EMILIN2: variants seen among roughly 807,000 people sequenced by gnomAD.
The protein encoded by EMILIN2 is EMILIN-2.
EMILIN2 carries 71 observed loss-of-function variants against 87.1 expected under a neutral mutation model. That is an observed-to-expected ratio of 0.82 (90% CI 0.67 to 0.99). The LOEUF is 0.99. Ranked by LOEUF, EMILIN2 falls within the 50% of genes least tolerant of loss-of-function variation. EMILIN2 has a pLI of 0.00. For synonymous variants in EMILIN2, 581 were observed against 563.4 expected, an observed-to-expected ratio of 1.03 and a Z score of -0.44; for missense variants, 1,407 against 1,371.8, an observed-to-expected ratio of 1.03 and a Z score of -0.40.
In EMILIN2 at chr18:2,896,914, A is replaced by G. The variant is rs540841165; in HGVS notation, c.2359+4428A>G. Among the ~76,000 whole-genome samples the G allele has an allele frequency of 2.0e-5, 3 of 151,844 alleles. No individual in the cohort carries two copies. The East Asian group carries it at 5.9e-4, about 30-fold the overall frequency. ...CACTTTGCGAGGCTCAGACGGGTGTATCGCTTGAGCCCAAGAGTTCGAGAC... is the reference window on the plus strand; with the variant it reads ...CACTTTGCGAGGCTCAGACGGGTGTGTCGCTTGAGCCCAAGAGTTCGAGAC... On this transcript the variant is annotated intron_variant, in intron 4 of 7. Coordinates refer to ENST00000254528, the MANE Select transcript of EMILIN2 (RefSeq NM_032048.3).
At position 2,848,031 on chromosome 18, in the gene EMILIN2, C is replaced by T. The variant is rs573601386; in HGVS notation, c.257+100C>T. 39 of 1,345,338 alleles carry T rather than the reference C, an allele frequency of 2.9e-5. No individual in the cohort carries two copies. The East Asian group carries it at 9.2e-4, about 32-fold the overall frequency. The allele number at this position is 1,345,338 out of a possible 1,614,324, so 83.3% of individuals were successfully genotyped here. On this transcript the variant is annotated intron_variant, in intron 2 of 7. Coordinates refer to ENST00000254528, the MANE Select transcript of EMILIN2 (RefSeq NM_032048.3). The surrounding 1 kb of genome is among the most constrained non-coding windows in gnomAD (Gnocchi z 4.1). ...TGGGCTCCAGTCCCTCCGGTAAATC[C>T]CTTCCAGATCCGGTGAAAAGCCCGC...
intron 2 of EMILIN2, among the ~76,000 whole-genome samples, chr18:2,879,137 G>A (rs1460434622): frequency 1.3e-5 from 2 of 152,162 alleles, no homozygotes; most frequent in Non-Finnish European, 2.9e-5. Context: ...GAGAAGATGG[G>A]TTGATGGGGG....
intron 2 of EMILIN2, among the ~76,000 whole-genome samples, chr18:2,871,950 G>T (rs561024551): frequency 6.6e-6 from 1 of 152,056 alleles, no homozygotes; most frequent in Non-Finnish European, 1.5e-5. Context: ...ATGTCTGGGG[G>T]GCAAAAGAGG....
intron 2 of EMILIN2, among the ~76,000 whole-genome samples, chr18:2,863,006 C>T (rs74523894): frequency 0.049 from 7,467 of 152,206 alleles, 726 homozygotes; most frequent in East Asian, 0.48. Flanking sequence ...AGTTTATTTG[C>T]GTAGAGATGT....
At chr18:2,865,375 C>T (rs983246930) in intron 2 of EMILIN2, among the ~76,000 whole-genome samples, 2 of 152,258 alleles carry the variant, frequency 1.3e-5, no homozygotes, top group East Asian at 1.9e-4. Context: ...ATGATGGTGA[C>T]GTACAGTTGG....
intron 2 of EMILIN2, among the ~76,000 whole-genome samples, chr18:2,883,629 A>G (rs1399591268): frequency 6.6e-6 from 1 of 152,162 alleles, no homozygotes; most frequent in Non-Finnish European, 1.5e-5. Flanking sequence ...TGAGCCCGGG[A>G]CTGCAGGGCT....
chr18:2,872,222 T>A (rs969968908), intron 2 of EMILIN2, among the ~76,000 whole-genome samples: 2 of 152,206 alleles, frequency 1.3e-5, no homozygotes, highest in Admixed American at 1.3e-4. Flanking sequence ...GCTCAATGAA[T>A]GGATGAAAAA....
Position 2,913,361 on chromosome 18 carries a change from C to G in EMILIN2, c.3119C>G (p.Thr1040Arg). 6.2e-7 allele frequency: 1 copy of G among 1,610,962 alleles called. No homozygotes were observed. Among genetic ancestry groups the G allele is most frequent in the South Asian group, 1.1e-5 (1 of 90,646 alleles). ...ACAGACTTTGATGAAATGTACTCCA[C>G]ATTTAGTGGGGTTTTCTTATATCCT... Reference protein sequence around the residue: ...AHTDFDEMYSTFSGVFLYPFL... With the variant: ...AHTDFDEMYSRFSGVFLYPFL... The change falls in exon 8 of 8, where the codon ACA (threonine) becomes AGA (arginine). Residue 1040 changes from threonine (T) to arginine (R), a missense_variant. Transcript: ENST00000254528.
At chr18:2,884,395 G>A (rs867951888) in intron 2 of EMILIN2, among the ~76,000 whole-genome samples, 1 of 147,810 alleles carries the variant, frequency 6.8e-6, no homozygotes, top group African/African-American at 2.5e-5. Context: ...ACAGGCATGC[G>A]CCACAACACC....
rs1231084507 is a variant in EMILIN2, at chr18:2,915,390, C to T, written c.*1986C>T. 1.3e-5 allele frequency: 2 copies of T among 152,220 alleles called. No homozygotes were observed. The highest frequency in any genetic ancestry group is 6.5e-5 in the Admixed American group (1 of 15,282). The allele number at this position is 152,220 out of a possible 1,614,324, so 9.4% of individuals were successfully genotyped here. A position where few individuals can be genotyped will look rare whatever the true frequency, so the allele number is the denominator to read the frequency against. On this transcript the variant is annotated 3_prime_UTR_variant, in exon 8 of 8. Transcript: ENST00000254528. ...CTGTCTTTTTGTACAGGTAGTAGAA[C>T]AACAAGGTCAGCTGAGCTTAAGGCT... is the stretch of plus-strand genomic sequence containing the variant.
At chr18:2,909,020 G>C (rs765548787) in intron 6 of EMILIN2, 45 bp downstream of exon 6, 1 of 1,610,524 alleles carries the variant, frequency 6.2e-7, no homozygotes, top group Admixed American at 1.7e-5. Flanking sequence ...GGTCTCCTTG[G>C]TGGCCTCTGC....
intron 2 of EMILIN2, among the ~76,000 whole-genome samples, chr18:2,884,032 T>C (rs962639320): frequency 1.3e-5 from 2 of 152,148 alleles, no homozygotes; most frequent in African/African-American, 4.8e-5. Context: ...CTCGGCTCAC[T>C]GCAAGCTCCA....
intron 2 of EMILIN2, among the ~76,000 whole-genome samples, chr18:2,856,002 G>A (rs1394266979): frequency 1.3e-5 from 2 of 152,182 alleles, no homozygotes; most frequent in Non-Finnish European, 2.9e-5. Flanking sequence ...ATTGGAGAAA[G>A]GCTAAAATGC....
chr18:2,904,474 T>C (rs1445595391), intron 4 of EMILIN2, among the ~76,000 whole-genome samples: 1 of 152,266 alleles, frequency 6.6e-6, no homozygotes, highest in East Asian at 1.9e-4. Flanking sequence ...TTCCTATTGA[T>C]CATCATTTCG....
intron 2 of EMILIN2, among the ~76,000 whole-genome samples, chr18:2,867,376 C>G (rs1230474928): frequency 6.6e-6 from 1 of 150,952 alleles, no homozygotes; most frequent in Non-Finnish European, 1.5e-5. Flanking sequence ...ATTTATTGAT[C>G]ATTCTTGGGT....
intron 2 of EMILIN2, among the ~76,000 whole-genome samples, chr18:2,852,643 T>A (rs1415951337): frequency 1.3e-5 from 2 of 152,180 alleles, no homozygotes; most frequent in African/African-American, 4.8e-5. Context: ...CTCAGCCTGC[T>A]GAGTAGCTGA....
chr18:2,848,078 C>CTTT lies in EMILIN2; in HGVS notation c.257+148_257+149insTTT. On this transcript the variant is annotated intron_variant, in intron 2 of 7. Transcript: ENST00000254528. The surrounding 1 kb of genome is among the most constrained non-coding windows in gnomAD (Gnocchi z 4.1). ...CCGCAGCGGAAAAGCGCTCCGAGCGCTCGCGGGGCACCGGCCACGCTGGGC... is the reference window on the plus strand; with the variant it reads ...CCGCAGCGGAAAAGCGCTCCGAGCGCTTTTCGCGGGGCACCGGCCACGCTGGGC... The CTTT allele has an allele frequency of 9.0e-7, 1 of 1,116,830 alleles. No individual in the cohort carries two copies. The highest frequency in any genetic ancestry group is 1.2e-6 in the Non-Finnish European group (1 of 814,492). 69.2% of individuals were successfully genotyped at this position (1,116,830 alleles called of 1,614,324 possible).
chr18:2,874,609 C>T (rs1319332306), intron 2 of EMILIN2, among the ~76,000 whole-genome samples: 1 of 152,116 alleles, frequency 6.6e-6, no homozygotes, highest in Non-Finnish European at 1.5e-5. Context: ...AAAACATCTG[C>T]ACCTCACTAT....
chr18:2,869,590 T>C (rs2076708509), intron 2 of EMILIN2, among the ~76,000 whole-genome samples: 2 of 151,968 alleles, frequency 1.3e-5, no homozygotes, highest in Admixed American at 6.5e-5. Context: ...TGTTGTAGTA[T>C]GTATCAGTAG....
Sources: allele counts gnomAD v4.1 joint callset (sites outside exome capture counted in the v4.1 genomes callset), GRCh38; gene constraint gnomAD v4.1.1; non-coding constraint Gnocchi (gnomAD v3.1); transcripts MANE v1.5; gene names NCBI Gene and HGNC (gene_info 2026-07-23, HGNC 2026-07-21).